NCOR2: variants seen among roughly 807,000 people sequenced by gnomAD.
NCOR2 encodes nuclear receptor corepressor 2.
Under a neutral mutation model 262.9 loss-of-function variants are expected in NCOR2, and 81 were observed. The ratio of observed to expected loss-of-function variants is 0.31; its 90% confidence interval spans 0.26 to 0.37. The LOEUF is 0.37. Among genes scored for constraint, NCOR2 ranks in the 10% least tolerant of loss-of-function variants. The probability of loss-of-function intolerance (pLI) is 1.00; values close to 1 mark genes in which losing one functional copy is unlikely to be tolerated. For missense variants in NCOR2, 3,385 were observed against 3,621.4 expected (o/e 0.93, Z 1.68); for synonymous variants, 1,659 against 1,559.3 (o/e 1.06, Z -1.51).
Position 124,566,786 on chromosome 12 carries a change from C to T in NCOR2, c.-165+522G>A, listed in dbSNP as rs1594088409. ...CCGCCCAGCGCCCCGTGGCCCCACG[C>T]CTAGGAGGGACAAGGCTGGCTCTCC... On this transcript the variant is annotated intron_variant, in intron 1 of 32. Transcript: ENST00000458234. The surrounding 1 kb of genome is among the most constrained non-coding windows in gnomAD (Gnocchi z 4.3). Among the ~76,000 whole-genome samples, 1 of 152,332 alleles carries T rather than the reference C, an allele frequency of 6.6e-6. No homozygotes were observed. Among genetic ancestry groups the T allele is most frequent in the East Asian group, 1.9e-4 (1 of 5,178 alleles).
Position 124,444,254 on chromosome 12 carries a change from G to A in NCOR2, c.815+5561C>T, listed in dbSNP as rs149304291. Among the ~76,000 whole-genome samples, 5 of 152,296 alleles carry A rather than the reference G, an allele frequency of 3.3e-5. No individual in the cohort carries two copies. The East Asian group carries it at 7.7e-4, about 23-fold the overall frequency. Reference sequence around the variant, plus strand: ...CTGTAGGAGGGCTCTGGAGGCATGGGGTAAGCAGCATGTGATGAGTTTGCT... The same window carrying A: ...CTGTAGGAGGGCTCTGGAGGCATGGAGTAAGCAGCATGTGATGAGTTTGCT... On this transcript the variant is annotated intron_variant, in intron 7 of 46. Coordinates refer to ENST00000405201, the Ensembl canonical transcript of NCOR2.
rs1466598713 is a variant in NCOR2, at chr12:124,523,211, GAGCTGGC to G, written c.-118+12347_-118+12353del. On this transcript the variant is annotated intron_variant, in intron 1 of 46. Transcript: ENST00000404621. This position sits in a 1 kb window ranked among gnomAD's most constrained non-coding sequence, Gnocchi z 4.0. ...GGCCGCCCCCACCCACAGCAGCTGTGAGCTGGCAGCTGGCAGAGTTAATTGCTCACTC... is the reference window on the plus strand; with the variant it reads ...GGCCGCCCCCACCCACAGCAGCTGTGAGCTGGCAGAGTTAATTGCTCACTC... Among the ~76,000 whole-genome samples the G allele has an allele frequency of 3.1e-4, 47 of 152,326 alleles. No individual in the cohort carries two copies. Among genetic ancestry groups the G allele is most frequent in the African/African-American group, 1.1e-3 (47 of 41,564 alleles).
intron 1 of NCOR2, among the ~76,000 whole-genome samples, chr12:124,527,563 G>A (rs560603440): frequency 1.9e-4 from 29 of 151,912 alleles, no homozygotes; most frequent in Non-Finnish European, 4.1e-4. Flanking sequence ...GATTACAGGC[G>A]CCCGCCACCA....
intron 1 of NCOR2, among the ~76,000 whole-genome samples, chr12:124,487,041 C>T (rs570858775): frequency 1.3e-5 from 2 of 152,224 alleles, no homozygotes; most frequent in Non-Finnish European, 2.9e-5. Flanking sequence ...TCCCTCCAGC[C>T]TGAGGAGCTG....
intron 22 of NCOR2, among the ~76,000 whole-genome samples, chr12:124,359,714 CTG>C (rs1029218277): frequency 2.0e-5 from 3 of 152,230 alleles, no homozygotes; most frequent in Non-Finnish European, 4.4e-5. Flanking sequence ...GGAAGGCAAA[CTG>C]GGGCTAGGCC....
chr12:124,358,526 C>T (rs2135940877), intron 22 of NCOR2, among the ~76,000 whole-genome samples: 1 of 152,324 alleles, frequency 6.6e-6, no homozygotes, highest in African/African-American at 2.4e-5. Context: ...GTACTCAGCA[C>T]AGGCACTGTG....
rs2034629004 is a variant in NCOR2, at chr12:124,326,188, C to T, written c.7363+3G>A. ...CCCAGCCCTGTCCCCACCTGGTGCC[C>T]ACCTGCGGACGAGGGCCTGTCCTCC... is the stretch of plus-strand genomic sequence containing the variant. On this transcript the variant is annotated splice_donor_region_variant and intron_variant, in intron 46 of 46. Coordinates refer to ENST00000405201, the Ensembl canonical transcript of NCOR2. The T allele has an allele frequency of 7.2e-6, 11 of 1,520,672 alleles. No individual in the cohort carries two copies. The highest frequency in any genetic ancestry group is 9.7e-6 in the Non-Finnish European group (11 of 1,136,840). 94.2% of individuals were successfully genotyped at this position (1,520,672 alleles called of 1,614,324 possible). A position where few individuals can be genotyped will look rare whatever the true frequency, so the allele number is the denominator to read the frequency against.
intron 44 of NCOR2, chr12:124,329,009 G>A (rs889634225): frequency 3.3e-5 from 14 of 425,846 alleles, no homozygotes; most frequent in East Asian, 7.3e-5. Context: ...AATCACAGCA[G>A]CGCGACTGGG....
intron 16 of NCOR2, chr12:124,388,875 A>C (rs1199426444): frequency 1.0e-4 from 12 of 115,036 alleles, no homozygotes; most frequent in Non-Finnish European, 1.9e-4. Flanking sequence ...TGAGGGAGGG[A>C]GGGAGGGAGG....
intron 17 of NCOR2, among the ~76,000 whole-genome samples, chr12:124,380,307 C>T (rs969891297): frequency 5.9e-5 from 9 of 152,184 alleles, no homozygotes; most frequent in African/African-American, 1.7e-4. Flanking sequence ...CTGCCTTCTT[C>T]CTGAGCAAAC....
Position 124,457,428 on chromosome 12 carries a change from C to T in NCOR2, c.706-266G>A, listed in dbSNP as rs886275891. On this transcript the variant is annotated intron_variant, in intron 5 of 46. Coordinates refer to ENST00000405201, the Ensembl canonical transcript of NCOR2. This position sits in a 1 kb window ranked among gnomAD's most constrained non-coding sequence, Gnocchi z 4.0. ...TGCGCCGGGTCCACTGAAGCCTGCT[C>T]CCCGGCAGGCGCGCAGGCCTCGCTC... is the stretch of plus-strand genomic sequence containing the variant. Among the ~76,000 whole-genome samples, 1 of 152,084 alleles carries T rather than the reference C, an allele frequency of 6.6e-6. No homozygotes were observed. The highest frequency in any genetic ancestry group is 1.5e-5 in the Non-Finnish European group (1 of 68,004).
chr12:124,397,249 G>A (rs1189043338), intron 16 of NCOR2, among the ~76,000 whole-genome samples: 1 of 152,236 alleles, frequency 6.6e-6, no homozygotes, highest in Non-Finnish European at 1.5e-5. Context: ...ACGGCCGAGG[G>A]AGGGAGGAGA....
chr12:124,428,043 C>CTGTGTGTGTGTGTG (rs1491282996), intron 10 of NCOR2, among the ~76,000 whole-genome samples: 3 of 41,064 alleles, frequency 7.3e-5, no homozygotes, highest in East Asian at 8.6e-4. Context: ...CCCATGTGGC[C>CTGTGTGTGTGTGTG]AGTGTGTGTG....
chr12:124,350,080 C>T (rs773480434), intron 28 of NCOR2, among the ~76,000 whole-genome samples: 1 of 152,240 alleles, frequency 6.6e-6, no homozygotes, highest in East Asian at 1.9e-4. Context: ...CCCCTGGGTG[C>T]CCTAGGCTGC....
intron 8 of NCOR2, among the ~76,000 whole-genome samples, chr12:124,431,659 A>G (rs1168316389): frequency 6.6e-6 from 1 of 150,692 alleles, no homozygotes; most frequent in Non-Finnish European, 1.5e-5. Flanking sequence ...AGGCACACAC[A>G]AGTCACACAG....
intron 28 of NCOR2, among the ~76,000 whole-genome samples, chr12:124,349,358 G>A (rs926352029): frequency 1.3e-5 from 2 of 152,180 alleles, no homozygotes; most frequent in South Asian, 2.1e-4. Context: ...ACAGGCTCTC[G>A]GGCTTTTCAA....
chr12:124,354,886 C>T (rs745594231), exon 25 of NCOR2: 2 of 1,612,642 alleles, frequency 1.2e-6, no homozygotes, highest in South Asian at 2.2e-5. Context: ...TGACAGGGCC[C>T]ACCGGGGCCT....
chr12:124,352,786 C>T (rs2037603395), intron 27 of NCOR2, among the ~76,000 whole-genome samples: 1 of 152,244 alleles, frequency 6.6e-6, no homozygotes, highest in South Asian at 2.1e-4. Context: ...CTCCCATTAA[C>T]AGGGAAGCTT....
exon 36 of NCOR2, chr12:124,340,389 C>T (rs372979444): frequency 2.5e-5 from 40 of 1,612,974 alleles, no homozygotes; most frequent in Non-Finnish European, 3.0e-5. Context: ...ATCCCGGTCT[C>T]GCTCCCGCTC....
Sources: allele counts gnomAD v4.1 joint callset (sites outside exome capture counted in the v4.1 genomes callset), GRCh38; gene constraint gnomAD v4.1.1; non-coding constraint Gnocchi (gnomAD v3.1); transcripts MANE v1.5; gene names NCBI Gene and HGNC (gene_info 2026-07-23, HGNC 2026-07-21).